The following SPAG16 variants were observed in gnomAD, a reference collection of about 807,000 sequenced individuals.
SPAG16 encodes sperm-associated antigen 16 protein.
A neutral mutation model predicts 80.4 loss-of-function variants in SPAG16; 86 were observed. The observed-to-expected ratio is 1.07, with a 90% CI of 0.90 to 1.28. SPAG16 has a LOEUF of 1.28. Ranked by LOEUF, SPAG16 falls within the 50% of genes most tolerant of loss-of-function variation. The pLI, the probability that SPAG16 is intolerant of heterozygous loss-of-function variation, is 0.00. For synonymous variants in SPAG16, 294 were observed against 265.9 expected (o/e 1.11, Z -1.03); for missense variants, 870 against 765.3 (o/e 1.14, Z -1.61).
chr2:213,311,066 C>T (rs943406356), intron 4 of SPAG16, among the ~76,000 whole-genome samples: 7 of 151,284 alleles, frequency 4.6e-5, no homozygotes, highest in Non-Finnish European at 8.9e-5. Context: ...TGCACATAAG[C>T]GCAGTCAGTT....
At chr2:214,170,428 A>G (rs752285904) in intron 15 of SPAG16, among the ~76,000 whole-genome samples, 14 of 152,078 alleles carry the variant, frequency 9.2e-5, no homozygotes, top group Non-Finnish European at 1.9e-4. Flanking sequence ...TCGGATAGAT[A>G]CTAAAACCTC....
chr2:213,533,665 ATTAATTT>A (rs1424302346), intron 10 of SPAG16, among the ~76,000 whole-genome samples: 1 of 152,162 alleles, frequency 6.6e-6, no homozygotes, highest in Non-Finnish European at 1.5e-5. Flanking sequence ...AAGGAACTCT[ATTAATTT>A]TTCCTCTGAA....
At position 213,896,184 on chromosome 2, in the gene SPAG16, T is replaced by C. The variant is rs113564810; in HGVS notation, c.1214+33556T>C. The stretch of plus-strand genomic sequence containing the variant: ...AGAAGACATACATATGGCCAAAAGG[T>C]ATATGAAAAAAATACTCATCACTAA... On this transcript the variant is annotated intron_variant, in intron 11 of 15. Coordinates refer to ENST00000331683, the MANE Select transcript of SPAG16 (RefSeq NM_024532.5). Among the ~76,000 whole-genome samples, 4 of 151,816 alleles carry C rather than the reference T, an allele frequency of 2.6e-5. 1 individual carries two copies. The highest frequency in any genetic ancestry group is 9.7e-5 in the African/African-American group (4 of 41,424).
chr2:214,040,591 G>C (rs2048954143), intron 13 of SPAG16, among the ~76,000 whole-genome samples: 1 of 152,138 alleles, frequency 6.6e-6, no homozygotes, highest in South Asian at 2.1e-4. Context: ...ATGGCCTCCA[G>C]CTCCATCCAT....
intron 8 of SPAG16, among the ~76,000 whole-genome samples, chr2:213,367,358 T>C (rs1027173686): frequency 2.0e-4 from 31 of 152,298 alleles, no homozygotes; most frequent in African/African-American, 5.3e-4. Flanking sequence ...TTTGAGGAAT[T>C]GCCACACTGT....
At chr2:213,623,980 AATTT>A (rs1230122649) in intron 10 of SPAG16, among the ~76,000 whole-genome samples, 1 of 152,160 alleles carries the variant, frequency 6.6e-6, no homozygotes, top group African/African-American at 2.4e-5. Flanking sequence ...AGTTAAACAC[AATTT>A]ATTAGATTAA....
chr2:213,440,570 A>G (rs1336274423), intron 9 of SPAG16, among the ~76,000 whole-genome samples: 2 of 152,088 alleles, frequency 1.3e-5, no homozygotes, highest in Admixed American at 6.6e-5. Flanking sequence ...AACAACAACA[A>G]CAACAACAAC....
chr2:213,508,596 G>T (rs111812056), intron 10 of SPAG16, among the ~76,000 whole-genome samples: 2 of 151,980 alleles, frequency 1.3e-5, no homozygotes, highest in Admixed American at 1.3e-4. Flanking sequence ...AAAAAAAAAT[G>T]ATGAGTTCAT....
rs1237784224 is a variant in SPAG16, at chr2:213,990,526, AT to A, written c.1401-23423del. 4.6e-5 allele frequency among the ~76,000 whole-genome samples: 7 copies of A among 152,298 alleles called. No individual in the cohort carries two copies. The South Asian group carries it at 1.2e-3, about 27-fold the overall frequency. ...ATTGACACAAATGTATATTACATGT[AT>A]TATATACTCTGTTCTTATAATAAAG... On this transcript the variant is annotated intron_variant, in intron 12 of 15. Coordinates refer to ENST00000331683, the MANE Select transcript of SPAG16 (RefSeq NM_024532.5).
intron 10 of SPAG16, among the ~76,000 whole-genome samples, chr2:213,804,359 A>C (rs929998649): frequency 1.3e-5 from 2 of 152,182 alleles, no homozygotes; most frequent in Non-Finnish European, 2.9e-5. Context: ...AAGGATGGGC[A>C]AGGGGTAAGT....
intron 9 of SPAG16, among the ~76,000 whole-genome samples, chr2:213,413,712 A>T (rs1298809427): frequency 6.6e-6 from 1 of 152,188 alleles, no homozygotes; most frequent in Non-Finnish European, 1.5e-5. Flanking sequence ...AGCTAAAAAG[A>T]TGGCAGGGTA....
rs947802730 is a variant in SPAG16 at position 214,071,278 on chromosome 2, G to A, written c.1528-36918G>A. On this transcript the variant is annotated intron_variant, in intron 13 of 15. Coordinates refer to ENST00000331683, the MANE Select transcript of SPAG16 (RefSeq NM_024532.5). Reference sequence around the variant, plus strand: ...AAGGGCTCAAAGCAAGGGCAGGTCTGTAGATAGATAAGATGCAAAACTTCT... The same window carrying A: ...AAGGGCTCAAAGCAAGGGCAGGTCTATAGATAGATAAGATGCAAAACTTCT... Among the ~76,000 whole-genome samples, 33 of 152,102 alleles carry A rather than the reference G, an allele frequency of 2.2e-4. 1 individual carries two copies. The highest frequency in any genetic ancestry group is 1.7e-3 in the Admixed American group (26 of 15,258).
At chr2:213,649,175 G>A (rs533538804) in intron 10 of SPAG16, among the ~76,000 whole-genome samples, 1 of 152,138 alleles carries the variant, frequency 6.6e-6, no homozygotes, top group South Asian at 2.1e-4. Flanking sequence ...ATAATTTAAA[G>A]AAGAAAAGAG....
At chr2:214,093,402 AT>A (rs1320975154) in intron 13 of SPAG16, among the ~76,000 whole-genome samples, 1 of 151,584 alleles carries the variant, frequency 6.6e-6, no homozygotes, top group Non-Finnish European at 1.5e-5. Flanking sequence ...TATACATTTT[AT>A]TTAATCTCTT....
chr2:214,185,693 C>T (rs2057445244), intron 15 of SPAG16, among the ~76,000 whole-genome samples: 2 of 152,012 alleles, frequency 1.3e-5, no homozygotes, highest in South Asian at 2.1e-4. Flanking sequence ...CAGACAGAGA[C>T]AGAATTATTG....
intron 15 of SPAG16, among the ~76,000 whole-genome samples, chr2:214,230,815 C>T (rs1424412664): frequency 6.6e-6 from 1 of 151,778 alleles, no homozygotes; most frequent in Non-Finnish European, 1.5e-5. Flanking sequence ...GAGGAGGGGT[C>T]ATTACAGAAA....
chr2:213,962,062 T>C (rs954610685), intron 12 of SPAG16, among the ~76,000 whole-genome samples: 2 of 152,200 alleles, frequency 1.3e-5, no homozygotes, highest in African/African-American at 4.8e-5. Flanking sequence ...TGGACTGAAC[T>C]GTATCCCCTC....
intron 9 of SPAG16, among the ~76,000 whole-genome samples, chr2:213,474,692 A>G (rs1158119559): frequency 1.3e-5 from 2 of 152,192 alleles, no homozygotes; most frequent in East Asian, 3.8e-4. Flanking sequence ...CCTAAAACCA[A>G]TGAAAGAACT....
chr2:213,502,185 G>C (rs1191082624), intron 10 of SPAG16, among the ~76,000 whole-genome samples: 1 of 152,174 alleles, frequency 6.6e-6, no homozygotes, highest in Non-Finnish European at 1.5e-5. Context: ...GAGAGCAGTG[G>C]CATGAAGAGG....
Sources: gnomAD v4.1 joint callset for allele counts (sites outside exome capture counted in the v4.1 genomes callset) on GRCh38, gnomAD v4.1.1 for gene constraint, MANE v1.5 for transcripts, NCBI Gene and HGNC (gene_info 2026-07-23, HGNC 2026-07-21) for gene names.